Variants in B3GALT1 observed in about 807,000 individuals in gnomAD.
B3GALT1 encodes beta-1,3-galactosyltransferase 1, also known as UDP-Gal:betaGlcNAc beta 1,3-galactosyltransferase, polypeptide 1.
In B3GALT1, 10 loss-of-function variants were observed where a neutral mutation model predicts 23.2. That is an observed-to-expected ratio of 0.43 (90% CI 0.27 to 0.73). B3GALT1 has a LOEUF of 0.73. Among genes scored for constraint, B3GALT1 ranks in the 30% least tolerant of loss-of-function variants. The pLI is 0.21. For missense variants in B3GALT1, 299 were observed against 405.4 expected, an observed-to-expected ratio of 0.74 and a Z score of 2.25; for synonymous variants, 156 against 141.5, an observed-to-expected ratio of 1.10 and a Z score of -0.73.
At chr2:167,746,520 G>T (rs979239205) in intron 3 of B3GALT1, among the ~76,000 whole-genome samples, 1 of 152,162 alleles carries the variant, frequency 6.6e-6, no homozygotes, top group Non-Finnish European at 1.5e-5. Flanking sequence ...AAAGTCATAA[G>T]TTCAACAAAT....
At position 167,457,207 on chromosome 2, in the gene B3GALT1, T is replaced by C. The variant is rs149980629; in HGVS notation, c.-510-32970T>C. Among the ~76,000 whole-genome samples the C allele has an allele frequency of 5.8e-3, 884 of 152,062 alleles. 10 individuals are homozygous for C. Among genetic ancestry groups the C allele is most frequent in the African/African-American group, 0.02 (848 of 41,506 alleles). ...TTATTTTTTGAGACGGAGTCTTACT[T>C]TGTCACCCAGGCTGGAGTGCAGTGG... On this transcript the variant is annotated intron_variant, in intron 1 of 4. Coordinates refer to ENST00000392690, the MANE Select transcript of B3GALT1 (RefSeq NM_020981.4).
At chr2:167,612,281 A>G (rs1204122617) in intron 2 of B3GALT1, among the ~76,000 whole-genome samples, 1 of 151,876 alleles carries the variant, frequency 6.6e-6, no homozygotes, top group East Asian at 1.9e-4. Flanking sequence ...TTGTGATAGT[A>G]TGTTTGCAGT....
chr2:167,503,065 T>G (rs932282870), intron 2 of B3GALT1, among the ~76,000 whole-genome samples: 8 of 152,002 alleles, frequency 5.3e-5, no homozygotes, highest in Admixed American at 3.3e-4. Flanking sequence ...AAATAAAAAA[T>G]AAATAAAATT....
chr2:167,301,374 G>A (rs891019772), intron 1 of B3GALT1, among the ~76,000 whole-genome samples: 1 of 152,148 alleles, frequency 6.6e-6, no homozygotes, highest in African/African-American at 2.4e-5. Context: ...CATCACTGAT[G>A]GGCTAAATCA....
chr2:167,343,967 G>A (rs566988462), intron 1 of B3GALT1, among the ~76,000 whole-genome samples: 8 of 152,132 alleles, frequency 5.3e-5, no homozygotes, highest in African/African-American at 9.7e-5. Context: ...GCTGGATCAC[G>A]GTTTAAAACC....
At chr2:167,618,677 C>G (rs1423590124) in intron 2 of B3GALT1, among the ~76,000 whole-genome samples, 1 of 151,940 alleles carries the variant, frequency 6.6e-6, no homozygotes, top group Non-Finnish European at 1.5e-5. Flanking sequence ...TCTTTTTAAC[C>G]TCCTGTACCC....
chr2:167,577,068 A>G (rs1160551385), intron 2 of B3GALT1, among the ~76,000 whole-genome samples: 2 of 151,676 alleles, frequency 1.3e-5, no homozygotes, highest in South Asian at 2.1e-4. Context: ...CTCCCCATAC[A>G]CTAAGCACTT....
intron 3 of B3GALT1, among the ~76,000 whole-genome samples, chr2:167,717,896 TA>T (rs900867019): frequency 2.0e-5 from 3 of 152,204 alleles, no homozygotes; most frequent in African/African-American, 7.2e-5. Flanking sequence ...TTTAATAGGT[TA>T]AAAAATGCAA....
chr2:167,319,138 C>T (rs897871234), intron 1 of B3GALT1, among the ~76,000 whole-genome samples: 1 of 152,100 alleles, frequency 6.6e-6, no homozygotes, highest in Non-Finnish European at 1.5e-5. Flanking sequence ...ATGGCCAGGG[C>T]ACACTGGAGG....
intron 2 of B3GALT1, among the ~76,000 whole-genome samples, chr2:167,601,880 C>A (rs62196695): frequency 2.0e-5 from 3 of 152,198 alleles, no homozygotes; most frequent in Non-Finnish European, 4.4e-5. Context: ...GCATAAAAAC[C>A]TCAAATATCT....
At chr2:167,577,639 C>T (rs1366910560) in intron 2 of B3GALT1, among the ~76,000 whole-genome samples, 1 of 151,642 alleles carries the variant, frequency 6.6e-6, no homozygotes, top group African/African-American at 2.4e-5. Flanking sequence ...TTTCCTGACT[C>T]ACTGTACTTC....
chr2:167,428,923 A>G (rs1258485292), intron 1 of B3GALT1, among the ~76,000 whole-genome samples: 1 of 152,138 alleles, frequency 6.6e-6, no homozygotes, highest in African/African-American at 2.4e-5. Flanking sequence ...ATTTATCGAC[A>G]TACCATCTTA....
At chr2:167,756,652 G>T (rs1432968166) in intron 3 of B3GALT1, among the ~76,000 whole-genome samples, 1 of 152,156 alleles carries the variant, frequency 6.6e-6, no homozygotes, top group Non-Finnish European at 1.5e-5. Flanking sequence ...AGCTTCCGGG[G>T]GTGGATAATT....
At chr2:167,456,691 TTATGATTACCAGTTTATTATA>T in intron 1 of B3GALT1, among the ~76,000 whole-genome samples, 1 of 152,096 alleles carries the variant, frequency 6.6e-6, no homozygotes, top group Non-Finnish European at 1.5e-5. Context: ...GGCACTTTAC[TTATGATTACCAGTTTATTATA>T]AAGGATACAA....
intron 2 of B3GALT1, among the ~76,000 whole-genome samples, chr2:167,626,203 C>A (rs1685341532): frequency 2.0e-5 from 3 of 150,980 alleles, no homozygotes; most frequent in African/African-American, 7.3e-5. Flanking sequence ...TGGACCTTAG[C>A]CATATCAAGA....
chr2:167,315,130 AAAG>A (rs1381402933), intron 1 of B3GALT1, among the ~76,000 whole-genome samples: 3 of 152,200 alleles, frequency 2.0e-5, no homozygotes, highest in Non-Finnish European at 4.4e-5. Flanking sequence ...CTCTTTAAAA[AAAG>A]AAGAGCTTGT....
chr2:167,725,425 TA>T (rs1454909931), intron 3 of B3GALT1, among the ~76,000 whole-genome samples: 3 of 152,200 alleles, frequency 2.0e-5, no homozygotes, highest in Non-Finnish European at 4.4e-5. Context: ...TCCTCAGGAA[TA>T]AATGTTGCAT....
At chr2:167,326,002 CA>C (rs1696886986) in intron 1 of B3GALT1, among the ~76,000 whole-genome samples, 1 of 152,030 alleles carries the variant, frequency 6.6e-6, no homozygotes, top group African/African-American at 2.4e-5. Context: ...AGGCATGAGC[CA>C]GTGTGCCAGG....
chr2:167,776,879 G>GA (rs1342874109), intron 3 of B3GALT1, among the ~76,000 whole-genome samples: 6 of 151,764 alleles, frequency 4.0e-5, no homozygotes, highest in African/African-American at 7.2e-5. Context: ...TTTTGTCTTT[G>GA]AAAAAAAACC....
Sources: allele counts gnomAD v4.1 joint callset (sites outside exome capture counted in the v4.1 genomes callset), GRCh38; gene constraint gnomAD v4.1.1; transcripts MANE v1.5; gene names NCBI Gene and HGNC (gene_info 2026-07-23, HGNC 2026-07-21).